The following KCNJ15 variants were observed in gnomAD, a reference collection of about 807,000 sequenced individuals.
The protein encoded by KCNJ15 is potassium inwardly rectifying channel subfamily J member 15.
In KCNJ15, 14 loss-of-function variants were observed where a neutral mutation model predicts 23.0. The observed-to-expected ratio is 0.61, with a 90% CI of 0.40 to 0.95. The LOEUF (loss-of-function observed/expected upper bound fraction) is 0.95, where lower values mean the gene tolerates loss of function less well. Among genes scored for constraint, KCNJ15 ranks in the 40% least tolerant of loss-of-function variants. The pLI is 0.00. For missense variants in KCNJ15, 388 were observed against 461.8 expected (o/e 0.84, Z 1.46); for synonymous variants, 185 against 183.2 (o/e 1.01, Z -0.08).
In KCNJ15 at chr21:38,303,554, C is replaced by T. The variant is rs1985933213; in HGVS notation, c.*3165C>T. Reference sequence around the variant, plus strand: ...ACTCCTTTGGGATGGGGTTGGGAGTCATGCATTGGCTCCCTTTTTCATCCT... The same window carrying T: ...ACTCCTTTGGGATGGGGTTGGGAGTTATGCATTGGCTCCCTTTTTCATCCT... On this transcript the variant is annotated 3_prime_UTR_variant, in exon 3 of 3. Coordinates refer to ENST00000398938, the MANE Select transcript of KCNJ15 (RefSeq NM_170736.3). 6.6e-6 allele frequency: 1 copy of T among 151,920 alleles called. No homozygotes were observed. The highest frequency in any genetic ancestry group is 6.6e-5 in the Admixed American group (1 of 15,256). The allele number at this position is 151,920 out of a possible 1,614,324, so 9.4% of individuals were successfully genotyped here.
intron 1 of KCNJ15, among the ~76,000 whole-genome samples, chr21:38,230,135 T>A (rs1988692085): frequency 6.6e-6 from 1 of 152,192 alleles, no homozygotes; most frequent in Non-Finnish European, 1.5e-5. Flanking sequence ...TTTTTTAATG[T>A]TACCACCCAT....
At chr21:38,263,084 G>A (rs960185688) in intron 1 of KCNJ15, among the ~76,000 whole-genome samples, 8 of 152,176 alleles carry the variant, frequency 5.3e-5, no homozygotes, top group African/African-American at 1.9e-4. Flanking sequence ...GGAAGACTCA[G>A]GGTCTTGGTT....
At chr21:38,271,969 C>G (rs1342113772) in intron 1 of KCNJ15, among the ~76,000 whole-genome samples, 1 of 152,138 alleles carries the variant, frequency 6.6e-6, no homozygotes, top group African/African-American at 2.4e-5. Context: ...CGATCCGGTG[C>G]CACAATTGAG....
intron 1 of KCNJ15, among the ~76,000 whole-genome samples, chr21:38,288,077 G>A (rs1984165008): frequency 1.1e-5 from 1 of 88,656 alleles, no homozygotes; most frequent in Non-Finnish European, 2.1e-5. Flanking sequence ...GTCTCACTCT[G>A]TTGCCCAGGC....
intron 1 of KCNJ15, chr21:38,237,365 T>C (rs929422295): frequency 3.3e-5 from 5 of 152,194 alleles, no homozygotes; most frequent in Admixed American, 3.3e-4. Flanking sequence ...GGGGTTTAAA[T>C]TTCCCACCAA....
At chr21:38,251,733 C>T (rs1449056237) in intron 1 of KCNJ15, among the ~76,000 whole-genome samples, 2 of 152,168 alleles carry the variant, frequency 1.3e-5, no homozygotes, top group Non-Finnish European at 2.9e-5. Context: ...CCCATCATCG[C>T]AATTTGCCAG....
At chr21:38,272,036 A>G (rs1237086613) in intron 1 of KCNJ15, among the ~76,000 whole-genome samples, 8 of 152,240 alleles carry the variant, frequency 5.3e-5, no homozygotes, top group Admixed American at 5.2e-4. Flanking sequence ...AGGCTTGACC[A>G]GATCATTTTT....
intron 1 of KCNJ15, among the ~76,000 whole-genome samples, chr21:38,230,597 A>G (rs1988705674): frequency 2.6e-5 from 4 of 151,564 alleles, no homozygotes. Flanking sequence ...TTTTATTGTC[A>G]TCTCTAACAG....
rs576709021 is a variant in KCNJ15 at position 38,268,550 on chromosome 21, GAAAAAAAAAAAAAAAA to G, written c.-117+11377_-117+11392del. On this transcript the variant is annotated intron_variant, in intron 1 of 2. Transcript: ENST00000398938. ...TATCTGACAAGAGTACTTAAAATCT[GAAAAAAAAAAAAAAAA>G]AAAAAAAAAAAGAAAGTGGGAGGAG... Among the ~76,000 whole-genome samples, 16 of 47,274 alleles carry G rather than the reference GAAAAAAAAAAAAAAAA, an allele frequency of 3.4e-4. 1 individual carries two copies. Among genetic ancestry groups the G allele is most frequent in the African/African-American group, 7.7e-4 (15 of 19,406 alleles). The allele number at this position is 47,274 out of a possible 152,430, so 31.0% of individuals were successfully genotyped here. A position where few individuals can be genotyped will look rare whatever the true frequency, so the allele number is the denominator to read the frequency against.
At chr21:38,297,768 G>A (rs901399212) in intron 2 of KCNJ15, among the ~76,000 whole-genome samples, 1 of 152,106 alleles carries the variant, frequency 6.6e-6, no homozygotes, top group African/African-American at 2.4e-5. Flanking sequence ...AATAATTTAT[G>A]GCCCTTCTTT....
At chr21:38,262,819 A>G (rs562000334) in intron 1 of KCNJ15, among the ~76,000 whole-genome samples, 1 of 152,034 alleles carries the variant, frequency 6.6e-6, no homozygotes, top group East Asian at 1.9e-4. Context: ...CTGGAATTAC[A>G]GGCACCTGCC....
chr21:38,300,148 G>C lies in KCNJ15; in HGVS notation c.887G>C (p.Ser296Thr). 6.2e-7 allele frequency: 1 copy of C among 1,614,208 alleles called. No homozygotes were observed. Among genetic ancestry groups the C allele is most frequent in the East Asian group, 2.2e-5 (1 of 44,880 alleles). The change falls in exon 3 of 3, where the codon AGC (serine) becomes ACC (threonine). Residue 296 changes from serine to threonine, a missense_variant. Physicochemically the swap from Ser to Thr is moderately conservative, Grantham distance 58. Transcript: ENST00000398938. ...TVESTSAVCQ[S>T]RTSYIPEEIY... ...GAATCCACCAGCGCTGTCTGCCAGA[G>C]CCGAACATCTTATATCCCAGAGGAA... is the stretch of plus-strand genomic sequence containing the variant.
At chr21:38,264,771 G>A (rs1981289717) in intron 1 of KCNJ15, among the ~76,000 whole-genome samples, 1 of 152,202 alleles carries the variant, frequency 6.6e-6, no homozygotes, top group Non-Finnish European at 1.5e-5. Flanking sequence ...CGTAAGTGGG[G>A]TTATTAAGGA....
chr21:38,258,429 T>G (rs1980509967), intron 1 of KCNJ15, among the ~76,000 whole-genome samples: 2 of 152,248 alleles, frequency 1.3e-5, no homozygotes, highest in Admixed American at 1.3e-4. Context: ...GCGCTGTTCT[T>G]TCTTCCCATA....
chr21:38,295,478 A>C (rs1985047984), intron 1 of KCNJ15, among the ~76,000 whole-genome samples: 1 of 152,174 alleles, frequency 6.6e-6, no homozygotes, highest in South Asian at 2.1e-4. Context: ...ATTGAAAATC[A>C]ATCAGATTTG....
At chr21:38,253,490 G>A (rs1158355968), upstream of KCNJ15, among the ~76,000 whole-genome samples, 3 of 152,122 alleles carry the variant, frequency 2.0e-5, no homozygotes, top group East Asian at 1.9e-4. Context: ...ATGCACCTGT[G>A]GAGGGCTCTT....
intron 1 of KCNJ15, among the ~76,000 whole-genome samples, chr21:38,261,150 T>C (rs1980847033): frequency 6.6e-6 from 1 of 152,186 alleles, no homozygotes; most frequent in South Asian, 2.1e-4. Flanking sequence ...TTCATTCACA[T>C]CCTGCTTCAG....
intron 1 of KCNJ15, among the ~76,000 whole-genome samples, chr21:38,287,941 A>G (rs1043378873): frequency 6.6e-5 from 10 of 151,848 alleles, no homozygotes; most frequent in African/African-American, 9.7e-5. Flanking sequence ...ATATCAGAGA[A>G]ATGTGGTCAA....
chr21:38,241,820 T>C (rs1194189707), intron 1 of KCNJ15, among the ~76,000 whole-genome samples: 2 of 151,720 alleles, frequency 1.3e-5, no homozygotes, highest in East Asian at 3.9e-4. Flanking sequence ...ACAAAAAAAA[T>C]TAGCTGGACA....
Sources: gnomAD v4.1 joint callset for allele counts (sites outside exome capture counted in the v4.1 genomes callset) on GRCh38, gnomAD v4.1.1 for gene constraint, MANE v1.5 for transcripts, NCBI Gene and HGNC (gene_info 2026-07-23, HGNC 2026-07-21) for gene names.